Variants in SNTB1 observed in about 807,000 individuals in gnomAD.
The protein encoded by SNTB1 is beta-1-syntrophin.
In SNTB1, 36 loss-of-function variants were observed where a neutral mutation model predicts 48.9. The observed-to-expected ratio is 0.74, with a 90% CI of 0.56 to 0.97. The LOEUF (loss-of-function observed/expected upper bound fraction) is 0.97. Ranked by LOEUF, SNTB1 falls within the 50% of genes least tolerant of loss-of-function variation. SNTB1 has a pLI of 0.00. For synonymous variants in SNTB1, 299 were observed against 294.6 expected, an observed-to-expected ratio of 1.01 and a Z score of -0.15; for missense variants, 786 against 703.4, an observed-to-expected ratio of 1.12 and a Z score of -1.33.
intron 4 of SNTB1, among the ~76,000 whole-genome samples, chr8:120,562,305 G>A (rs2130669237): frequency 6.6e-6 from 1 of 152,280 alleles, no homozygotes. Flanking sequence ...CTGATTCTGA[G>A]AGACTGGTAT....
chr8:120,769,962 A>C (rs551230350), intron 1 of SNTB1, among the ~76,000 whole-genome samples: 22 of 152,240 alleles, frequency 1.4e-4, no homozygotes, highest in Non-Finnish European at 2.9e-4. Context: ...GACAGGGTCA[A>C]GAACAAAAAC....
At position 120,548,405 on chromosome 8, in the gene SNTB1, G is replaced by A. The variant is rs199719505; in HGVS notation, c.1333+357C>T. 5.9e-5 allele frequency among the ~76,000 whole-genome samples: 9 copies of A among 152,008 alleles called. No individual in the cohort carries two copies. The East Asian group carries it at 1.7e-3, about 29-fold the overall frequency. ...AATATATTTCCAATAATTTTATTCTGTGATAGATTACTCGGAATCAGTTTC... is the reference window on the plus strand; with the variant it reads ...AATATATTTCCAATAATTTTATTCTATGATAGATTACTCGGAATCAGTTTC... On this transcript the variant is annotated intron_variant, in intron 5 of 6. Transcript: ENST00000517992.
At chr8:120,678,421 C>T (rs1424879355) in intron 2 of SNTB1, among the ~76,000 whole-genome samples, 4 of 152,142 alleles carry the variant, frequency 2.6e-5, no homozygotes, top group Non-Finnish European at 5.9e-5. Flanking sequence ...GAATGTCCAA[C>T]CCTATTTCAG....
chr8:120,789,436 A>G (rs1432368475), intron 1 of SNTB1, among the ~76,000 whole-genome samples: 1 of 151,998 alleles, frequency 6.6e-6, no homozygotes, highest in Non-Finnish European at 1.5e-5. Flanking sequence ...AAAAAAATCA[A>G]TGAAACAAAA....
chr8:120,644,103 A>G (rs562385825), intron 2 of SNTB1, among the ~76,000 whole-genome samples: 3 of 152,278 alleles, frequency 2.0e-5, no homozygotes, highest in African/African-American at 7.2e-5. Context: ...GAGTTTTTGA[A>G]GCTGTGTACC....
chr8:120,753,002 AAAAAAAG>A (rs1340393534), intron 1 of SNTB1, among the ~76,000 whole-genome samples: 1 of 147,718 alleles, frequency 6.8e-6, no homozygotes, highest in East Asian at 2.3e-4. Flanking sequence ...AAAAAAAAAA[AAAAAAAG>A]ACTTGTTTTT....
intron 1 of SNTB1, 149 bp downstream of exon 1, chr8:120,811,124 C>T (rs1188642721): frequency 5.3e-6 from 6 of 1,142,240 alleles, no homozygotes; most frequent in Non-Finnish European, 7.1e-6. Context: ...ACCCCCTGCG[C>T]CACCCTTCCC....
In SNTB1 at chr8:120,811,431, A is replaced by G; in HGVS notation, c.413T>C (p.Leu138Pro). Reference protein sequence around the residue: ...KGGKENKMPILISKIFKGLAA... With the variant: ...KGGKENKMPIPISKIFKGLAA... ...CAGCCCCTTGAAGATCTTGCTGATG[A>G]GGATGGGCATCTTGTTCTCCTTGCC... Residue 138 changes from leucine (L) to proline (P), a missense_variant, in exon 1 of 7, where the codon CTC becomes CCC. Transcript: ENST00000517992. 2 of 1,613,968 alleles carry G rather than the reference A, an allele frequency of 1.2e-6. No homozygotes were observed. Among genetic ancestry groups the G allele is most frequent in the South Asian group, 1.1e-5 (1 of 91,082 alleles).
At chr8:120,547,230 A>G (rs1815398372) in intron 5 of SNTB1, among the ~76,000 whole-genome samples, 1 of 152,172 alleles carries the variant, frequency 6.6e-6, no homozygotes, top group Non-Finnish European at 1.5e-5. Flanking sequence ...CCATTATTCT[A>G]TTCTACTTTA....
rs116095110 is a variant in SNTB1, at chr8:120,616,466, A to G, written c.996+15978T>C. ...CAGGGGCACACCACAACACCTGACTAACTAAAAAAAGTTTTTTTTTTTTTT... is the reference window on the plus strand; with the variant it reads ...CAGGGGCACACCACAACACCTGACTGACTAAAAAAAGTTTTTTTTTTTTTT... On this transcript the variant is annotated intron_variant, in intron 3 of 6. Coordinates refer to ENST00000517992, the MANE Select transcript of SNTB1 (RefSeq NM_021021.4). Among the ~76,000 whole-genome samples the G allele has an allele frequency of 4.7e-3, 646 of 137,900 alleles. 7 individuals are homozygous for G. The highest frequency in any genetic ancestry group is 0.018 in the African/African-American group (624 of 34,070). The allele number at this position is 137,900 out of a possible 152,430, so 90.5% of individuals were successfully genotyped here.
chr8:120,627,013 G>T (rs1408291313), intron 3 of SNTB1, among the ~76,000 whole-genome samples: 4 of 152,178 alleles, frequency 2.6e-5, no homozygotes, highest in Non-Finnish European at 5.9e-5. Flanking sequence ...CTTGTGAAGT[G>T]TCATATGGAT....
intron 1 of SNTB1, among the ~76,000 whole-genome samples, chr8:120,756,678 C>T (rs1487762118): frequency 1.3e-5 from 2 of 152,136 alleles, no homozygotes; most frequent in Non-Finnish European, 2.9e-5. Context: ...TCATCTCTGC[C>T]TTTATACCCT....
At position 120,538,844 on chromosome 8, in the gene SNTB1, C is replaced by G. The variant is rs1297977601; in HGVS notation, c.*33G>C. 2.6e-6 allele frequency: 4 copies of G among 1,552,596 alleles called. No homozygotes were observed. The highest frequency in any genetic ancestry group is 1.4e-5 in the African/African-American group (1 of 73,576). On this transcript the variant is annotated 3_prime_UTR_variant, in exon 7 of 7. Coordinates refer to ENST00000517992, the MANE Select transcript of SNTB1 (RefSeq NM_021021.4). Reference sequence around the variant, plus strand: ...TCACGTTCTCTGGTGGCATTGCAGCCCTTCTTTTCTCAAAGGCAAGTCACC... The same window carrying G: ...TCACGTTCTCTGGTGGCATTGCAGCGCTTCTTTTCTCAAAGGCAAGTCACC...
intron 3 of SNTB1, among the ~76,000 whole-genome samples, chr8:120,619,841 T>C (rs1816766068): frequency 6.6e-6 from 1 of 152,164 alleles, no homozygotes; most frequent in African/African-American, 2.4e-5. Flanking sequence ...GGCTCTGCTG[T>C]CCTACCCTTG....
intron 1 of SNTB1, among the ~76,000 whole-genome samples, chr8:120,744,921 T>C (rs2130015832): frequency 6.6e-6 from 1 of 152,332 alleles, no homozygotes; most frequent in East Asian, 1.9e-4. Flanking sequence ...TTTCTTTTAT[T>C]ATCCAAATAA....
intron 5 of SNTB1, among the ~76,000 whole-genome samples, chr8:120,547,584 C>CTATTGT (rs1303217161): frequency 6.3e-5 from 7 of 111,754 alleles, no homozygotes; most frequent in Admixed American, 2.1e-4. Flanking sequence ...AAGAGCAAAA[C>CTATTGT]ACTGTCTCAA....
chr8:120,697,292 T>C (rs192268174), intron 1 of SNTB1, among the ~76,000 whole-genome samples: 1 of 152,314 alleles, frequency 6.6e-6, no homozygotes, highest in East Asian at 1.9e-4. Flanking sequence ...GGAGTAATAT[T>C]CTGCATATAG....
At position 120,575,216 on chromosome 8, in the gene SNTB1, C is replaced by T; in HGVS notation, c.1006G>A (p.Glu336Lys). The change falls in exon 4 of 7, where the codon GAG becomes AAG. Residue 336 changes from glutamate to lysine, a missense_variant. Transcript: ENST00000517992. ...LGWLAEKVPG[E>K]SKKQWKPALV... Reference sequence around the variant, plus strand: ...GCTGGTTTCCACTGTTTCTTGCTCTCCCCTGGCACCTGAAAAAGAAAGCAG... The same window carrying T: ...GCTGGTTTCCACTGTTTCTTGCTCTTCCCTGGCACCTGAAAAAGAAAGCAG... 1 of 1,614,124 alleles carries T rather than the reference C, an allele frequency of 6.2e-7. No individual in the cohort carries two copies. The highest frequency in any genetic ancestry group is 1.1e-5 in the South Asian group (1 of 91,080).
intron 2 of SNTB1, among the ~76,000 whole-genome samples, chr8:120,652,788 C>T (rs1817429694): frequency 6.6e-6 from 1 of 152,068 alleles, no homozygotes; most frequent in Admixed American, 6.5e-5. Flanking sequence ...TAGTAGTTGT[C>T]ACTTATGTTT....
Sources: allele counts gnomAD v4.1 joint callset (sites outside exome capture counted in the v4.1 genomes callset), GRCh38; gene constraint gnomAD v4.1.1; transcripts MANE v1.5; gene names NCBI Gene and HGNC (gene_info 2026-07-23, HGNC 2026-07-21).